The following ATP13A4 variants were observed in gnomAD, a reference collection of about 807,000 sequenced individuals.
The protein encoded by ATP13A4 is ATPase 13A4.
ATP13A4 carries 114 observed loss-of-function variants against 142.5 expected under a neutral mutation model. The observed-to-expected ratio is 0.80, with a 90% CI of 0.69 to 0.93. The LOEUF (loss-of-function observed/expected upper bound fraction) is 0.93, where lower values mean the gene tolerates loss of function less well. Among genes scored for constraint, ATP13A4 ranks in the 40% least tolerant of loss-of-function variants. The pLI, the probability that ATP13A4 is intolerant of heterozygous loss-of-function variation, is 0.00. For synonymous variants in ATP13A4, 488 were observed against 514.8 expected, an observed-to-expected ratio of 0.95 and a Z score of 0.70; for missense variants, 1,392 against 1,454.0, an observed-to-expected ratio of 0.96 and a Z score of 0.69.
intron 1 of ATP13A4, among the ~76,000 whole-genome samples, chr3:193,549,497 T>C (rs1276649305): frequency 6.6e-6 from 1 of 152,082 alleles, no homozygotes; most frequent in Non-Finnish European, 1.5e-5. Context: ...AAGTCTAATT[T>C]TTTTTAAAGT....
intron 1 of ATP13A4, among the ~76,000 whole-genome samples, chr3:193,515,618 G>T (rs866522736): frequency 1.3e-5 from 2 of 152,310 alleles, no homozygotes. Flanking sequence ...AATGCGTCAT[G>T]AGAGGATATT....
chr3:193,418,270 G>A (rs1193272000), intron 25 of ATP13A4, among the ~76,000 whole-genome samples: 1 of 143,720 alleles, frequency 7.0e-6, no homozygotes, highest in African/African-American at 2.6e-5. Flanking sequence ...AGTGAGCCGA[G>A]ATTGCGCCAC....
At chr3:193,459,404 T>G (rs1396707314) in intron 13 of ATP13A4, among the ~76,000 whole-genome samples, 173 bp from the exon 14 acceptor site, 2 of 152,224 alleles carry the variant, frequency 1.3e-5, no homozygotes, top group East Asian at 3.8e-4. Flanking sequence ...GTAAGTTCAC[T>G]GAGTATGAGA....
At chr3:193,451,114 C>T (rs1400486173) in intron 17 of ATP13A4, among the ~76,000 whole-genome samples, 2 of 152,176 alleles carry the variant, frequency 1.3e-5, no homozygotes. Flanking sequence ...TTTGCTGGCT[C>T]TGGGTCTCTT....
intron 1 of ATP13A4, among the ~76,000 whole-genome samples, chr3:193,538,786 GT>G (rs1722721943): frequency 6.6e-6 from 1 of 151,994 alleles, no homozygotes; most frequent in African/African-American, 2.4e-5. Flanking sequence ...TTTAAGCTGT[GT>G]GGGCCATATT....
intron 2 of ATP13A4, among the ~76,000 whole-genome samples, chr3:193,580,479 C>T (rs1156981421): frequency 6.6e-6 from 1 of 152,154 alleles, no homozygotes; most frequent in East Asian, 1.9e-4. Flanking sequence ...GGAGCTGGTC[C>T]TTCTGCAAGG....
At chr3:193,431,014 G>T (rs1309656027) in intron 25 of ATP13A4, among the ~76,000 whole-genome samples, 1 of 151,982 alleles carries the variant, frequency 6.6e-6, no homozygotes, top group Non-Finnish European at 1.5e-5. Context: ...AAAATGGAGG[G>T]GGGGAATCAC....
chr3:193,592,067 C>T (rs1053691007), intron 1 of ATP13A4, among the ~76,000 whole-genome samples: 1 of 140,944 alleles, frequency 7.1e-6, no homozygotes, highest in Non-Finnish European at 1.5e-5. Context: ...TGGGTCCAGA[C>T]TTATGATTCT....
At chr3:193,434,366 T>C (rs905083048) in intron 24 of ATP13A4, among the ~76,000 whole-genome samples, 1 of 152,192 alleles carries the variant, frequency 6.6e-6, no homozygotes, top group Non-Finnish European at 1.5e-5. Flanking sequence ...TTCTTGAATG[T>C]TTTTAGACAA....
Position 193,491,309 on chromosome 3 carries a change from G to A in ATP13A4, c.603+20C>T. 2 of 1,564,532 alleles carry A rather than the reference G, an allele frequency of 1.3e-6. No individual in the cohort carries two copies. Among genetic ancestry groups the A allele is most frequent in the Non-Finnish European group, 1.8e-6 (2 of 1,135,600 alleles). On this transcript the variant is annotated intron_variant, in intron 6 of 29. Coordinates refer to ENST00000342695, the MANE Select transcript of ATP13A4 (RefSeq NM_032279.4). ...CCTTATTTTCTGTCCAACACCAAGAGAAAATGCTGGAGAAATTACCTCCTT... is the reference window on the plus strand; with the variant it reads ...CCTTATTTTCTGTCCAACACCAAGAAAAAATGCTGGAGAAATTACCTCCTT...
At chr3:193,534,137 C>A (rs1423881413) in intron 1 of ATP13A4, among the ~76,000 whole-genome samples, 2 of 152,198 alleles carry the variant, frequency 1.3e-5, no homozygotes, top group Non-Finnish European at 2.9e-5. Context: ...GTAATAAGGA[C>A]CCCTTGCCAT....
Position 193,462,746 on chromosome 3 carries a change from A to G in ATP13A4, c.1523+16T>C. The G allele has an allele frequency of 6.2e-7, 1 of 1,609,820 alleles. No individual in the cohort carries two copies. Among genetic ancestry groups the G allele is most frequent in the Non-Finnish European group, 8.5e-7 (1 of 1,176,104 alleles). ...GACACTAGAATGCATTTAGTCCAAG[A>G]GTCCAAGGTACTCACCCATTCCTAT... is the stretch of plus-strand genomic sequence containing the variant. On this transcript the variant is annotated intron_variant, in intron 13 of 29. Coordinates refer to ENST00000342695, the MANE Select transcript of ATP13A4 (RefSeq NM_032279.4).
intron 2 of ATP13A4, 115 bp from the exon 3 acceptor site, chr3:193,502,754 T>C (rs186632008): frequency 8.8e-7 from 1 of 1,135,080 alleles, no homozygotes. Context: ...TTAGTGAATA[T>C]TCTAGACAGA....
intron 1 of ATP13A4, among the ~76,000 whole-genome samples, chr3:193,523,353 T>C (rs1172003615): frequency 2.0e-5 from 3 of 151,826 alleles, no homozygotes; most frequent in Non-Finnish European, 4.4e-5. Flanking sequence ...TTCGAGTTCA[T>C]GCTAATGAGA....
intron 2 of ATP13A4, among the ~76,000 whole-genome samples, chr3:193,504,846 A>T (rs1399819408): frequency 6.6e-6 from 1 of 152,200 alleles, no homozygotes; most frequent in East Asian, 1.9e-4. Flanking sequence ...AGCAACTATT[A>T]ATCGTCTCCA....
intron 6 of ATP13A4, 74 bp downstream of exon 6, chr3:193,491,255 C>T: frequency 1.8e-6 from 2 of 1,111,758 alleles, no homozygotes; most frequent in South Asian, 2.5e-5. Context: ...ACAATTAGCA[C>T]TCCTGATTAT....
At chr3:193,489,990 A>G in intron 6 of ATP13A4, 126 bp from the exon 7 acceptor site, 2 of 1,112,392 alleles carry the variant, frequency 1.8e-6, no homozygotes, top group Non-Finnish European at 2.6e-6. Context: ...TATTATATTT[A>G]TTCGGCAATT....
chr3:193,405,513 C>T lies in ATP13A4; in HGVS notation c.3378+1800G>A, dbSNP rs1714450831. Among the ~76,000 whole-genome samples the T allele has an allele frequency of 2.0e-5, 3 of 152,172 alleles. No individual in the cohort carries two copies. The South Asian group carries it at 6.2e-4, about 32-fold the overall frequency. On this transcript the variant is annotated intron_variant, in intron 29 of 29. Coordinates refer to ENST00000342695, the MANE Select transcript of ATP13A4 (RefSeq NM_032279.4). The stretch of plus-strand genomic sequence containing the variant: ...TTGCTGTGGCCTCTCCTTCCATTTT[C>T]TTCCTGCACTGAAAACAGATGTAAA...
intron 1 of ATP13A4, among the ~76,000 whole-genome samples, chr3:193,591,836 A>G (rs1056402534): frequency 2.0e-5 from 3 of 151,298 alleles, no homozygotes; most frequent in African/African-American, 4.9e-5. Flanking sequence ...CTCTTATTTT[A>G]TTTTCTAAAA....
Sources: gnomAD v4.1 joint callset for allele counts (sites outside exome capture counted in the v4.1 genomes callset) on GRCh38, gnomAD v4.1.1 for gene constraint, MANE v1.5 for transcripts, NCBI Gene and HGNC (gene_info 2026-07-23, HGNC 2026-07-21) for gene names.